Variants in NOTCH1 observed in about 807,000 individuals in gnomAD.
NOTCH1 encodes notch receptor 1.
Under a neutral mutation model 254.8 loss-of-function variants are expected in NOTCH1, and 37 were observed. The observed-to-expected ratio is 0.15, with a 90% confidence interval of 0.11 to 0.19. The LOEUF is 0.19. NOTCH1 is among the 10% of genes least tolerant of loss of function. NOTCH1 has a pLI of 1.00. For missense variants in NOTCH1, 2,972 were observed against 3,708.6 expected (o/e 0.80, Z 5.16); for synonymous variants, 1,731 against 1,618.1 (o/e 1.07, Z -1.68).
intron 22 of NOTCH1, 33 bp downstream of exon 22, chr9:136,507,272 G>C: frequency 6.2e-7 from 1 of 1,612,644 alleles, no homozygotes; most frequent in Non-Finnish European, 8.5e-7. Context: ...GCCATGGATG[G>C]CCAACACCAG....
intron 2 of NOTCH1, among the ~76,000 whole-genome samples, chr9:136,524,739 G>A (rs1843433572): frequency 6.7e-6 from 1 of 149,304 alleles, no homozygotes; most frequent in Non-Finnish European, 1.5e-5. Context: ...CCAGGTTCAA[G>A]CGATTCTCCT....
chr9:136,543,361 C>A, intron 2 of NOTCH1: 1 of 243,302 alleles, frequency 4.1e-6, no homozygotes, highest in Non-Finnish European at 8.3e-6. Flanking sequence ...GAGGAGGCAT[C>A]ACCCACCCAG....
chr9:136,498,750 A>G, intron 33 of NOTCH1, 149 bp downstream of exon 33: 1 of 867,136 alleles, frequency 1.2e-6, no homozygotes, highest in Non-Finnish European at 1.9e-6. Context: ...AGGTGCCCGC[A>G]TCATGCGGGT....
chr9:136,500,840 G>A lies in NOTCH1; in HGVS notation c.5646C>T (p.Phe1882=), dbSNP rs1340810189. ...TGCAGGAGGCGATCATGAGCGGGGT[G>A]AAGCCATCTGCAGAGGCAGAGACGG... ...MDVNVRGPDG[F]TPLMIASCSG... The change falls in exon 31 of 34, where the codon TTC becomes TTT. Residue 1882 remains phenylalanine, a synonymous_variant. Coordinates refer to ENST00000651671, the MANE Select transcript of NOTCH1 (RefSeq NM_017617.5). 2 of 1,593,534 alleles carry A rather than the reference G, an allele frequency of 1.3e-6. No homozygotes were observed. Among genetic ancestry groups the A allele is most frequent in the Non-Finnish European group, 1.7e-6 (2 of 1,177,676 alleles).
Position 136,505,448 on chromosome 9 carries a change from A to G in NOTCH1, c.4448T>C (p.Phe1483Ser), listed in dbSNP as rs1843065659. 1 of 1,612,724 alleles carries G rather than the reference A, an allele frequency of 6.2e-7. No individual in the cohort carries two copies. Among genetic ancestry groups the G allele is most frequent in the African/African-American group, 1.3e-5 (1 of 74,918 alleles). ...GWDGGDCSLN[F>S]NDPWKNCTQS... ...CGTGCAGTTCTTCCAGGGGTCATTG[A>G]AGTTGAGGGAGCAGTCACCGCCGTC... Residue 1483 changes from phenylalanine to serine, a missense_variant, in exon 25 of 34, where the codon TTC becomes TCC. Coordinates refer to ENST00000651671, the MANE Select transcript of NOTCH1 (RefSeq NM_017617.5).
rs1270144426 is a variant in NOTCH1, at chr9:136,515,570, CGTT to C, written c.1813_1815del (p.Asn605del). 1 of 1,610,844 alleles carries C rather than the reference CGTT, an allele frequency of 6.2e-7. No individual in the cohort carries two copies. The highest frequency in any genetic ancestry group is 2.2e-5 in the East Asian group (1 of 44,858). ...TGGCGGCAGGGCTGGCTGGAGCACT[CGTT>C]GATGTTGGTCTCGCAGTGGTGGCCC... On this transcript the variant is annotated inframe_deletion, in exon 11 of 34. Coordinates refer to ENST00000651671, the MANE Select transcript of NOTCH1 (RefSeq NM_017617.5).
At position 136,509,863 on chromosome 9, in the gene NOTCH1, T is replaced by C. The variant is rs2133350978; in HGVS notation, c.2839A>G (p.Asn947Asp). Residue 947 changes from asparagine to aspartate, a missense_variant, in exon 18 of 34, where the codon AAC becomes GAC. Around this residue, in one of 8 missense-constraint regions of NOTCH1, gnomAD observed 1,343 missense variants for 1,557.0 expected, o/e 0.86. Transcript: ENST00000651671. ...CGGCAGGGGTCACTGGCACACTCGT[T>C]GATGTCCTCCTCACAGAAAGTGCCC... is the stretch of plus-strand genomic sequence containing the variant. ...FRGTFCEEDI[N>D]ECASDPCRNG... 6.2e-7 allele frequency: 1 copy of C among 1,613,084 alleles called. No individual in the cohort carries two copies. The highest frequency in any genetic ancestry group is 1.3e-5 in the African/African-American group (1 of 75,056).
intron 17 of NOTCH1, chr9:136,510,404 C>T (rs1843160044): frequency 1.7e-6 from 1 of 600,964 alleles, no homozygotes; most frequent in African/African-American, 1.9e-5. Context: ...ATCCTCGGCT[C>T]AGTGAAGAGC....
In NOTCH1 at chr9:136,505,091, G is replaced by C. The variant is rs2133337830; in HGVS notation, c.4600C>G (p.Gln1534Glu). 6.2e-7 allele frequency: 1 copy of C among 1,609,724 alleles called. No homozygotes were observed. The highest frequency in any genetic ancestry group is 8.5e-7 in the Non-Finnish European group (1 of 1,179,676). The change falls in exon 26 of 34, where the codon CAG becomes GAG. Residue 1534 changes from glutamine to glutamate, a missense_variant. By Grantham distance (29) the Gln-to-Glu change is conservative. Coordinates refer to ENST00000651671, the MANE Select transcript of NOTCH1 (RefSeq NM_017617.5). ...AEGQCNPLYD[Q>E]YCKDHFSDGH... is the part of the protein sequence containing the mutation. ...TCGCTGAAGTGGTCCTTGCAGTACT[G>C]GTCGTACAGGGGGCTGTGGGGGGCG... is the stretch of plus-strand genomic sequence containing the variant.
In NOTCH1 at chr9:136,508,096, C is replaced by T. The variant is rs1252607865; in HGVS notation, c.3369G>A (p.Val1123=). ...GGCAGTGGTGCGTGTTGCCCGCGTC[C>T]ACACAGAGCCCTCCATGCTGGCACA... ...ARLCQHGGLC[V]DAGNTHHCRC... Residue 1123 remains valine, a synonymous_variant, in exon 21 of 34, where the codon GTG becomes GTA. Coordinates refer to ENST00000651671, the MANE Select transcript of NOTCH1 (RefSeq NM_017617.5). The T allele has an allele frequency of 1.2e-5, 19 of 1,609,276 alleles. No individual in the cohort carries two copies. Among genetic ancestry groups the T allele is most frequent in the Non-Finnish European group, 1.5e-5 (18 of 1,179,916 alleles).
intron 2 of NOTCH1, chr9:136,542,973 C>T (rs917479893): frequency 1.3e-5 from 2 of 153,206 alleles, no homozygotes; most frequent in African/African-American, 4.8e-5. Flanking sequence ...CGCACGACTT[C>T]CCGGCCCCCT....
intron 15 of NOTCH1, among the ~76,000 whole-genome samples, chr9:136,512,305 A>G (rs1369402301): frequency 3.3e-5 from 5 of 151,972 alleles, no homozygotes; most frequent in African/African-American, 1.2e-4. Flanking sequence ...CAGGCGTGGG[A>G]CCTCCAGCCC....
Position 136,494,705 on chromosome 9 carries a change from G to C in NOTCH1, c.*1366C>G. On this transcript the variant is annotated 3_prime_UTR_variant, in exon 34 of 34. Coordinates refer to ENST00000651671, the MANE Select transcript of NOTCH1 (RefSeq NM_017617.5). Reference sequence around the variant, plus strand: ...GGCAGCGGAGCGTCCCCAGTGCATGGGCGGCTAAGGCTCCCCGAGCTGAGC... The same window carrying C: ...GGCAGCGGAGCGTCCCCAGTGCATGCGCGGCTAAGGCTCCCCGAGCTGAGC... The C allele has an allele frequency of 7.5e-6, 3 of 398,448 alleles. No homozygotes were observed. Among genetic ancestry groups the C allele is most frequent in the Non-Finnish European group, 8.8e-6 (2 of 226,002 alleles). 24.7% of individuals were successfully genotyped at this position (398,448 alleles called of 1,614,324 possible).
intron 15 of NOTCH1, among the ~76,000 whole-genome samples, chr9:136,512,167 G>T (rs1843191578): frequency 6.6e-6 from 1 of 152,250 alleles, no homozygotes; most frequent in Non-Finnish European, 1.5e-5. Context: ...GTGTCTGAAA[G>T]GGACAGGGGC....
intron 2 of NOTCH1, among the ~76,000 whole-genome samples, chr9:136,532,071 TG>T (rs1279279088): frequency 1.3e-5 from 2 of 152,188 alleles, no homozygotes; most frequent in African/African-American, 4.8e-5. Flanking sequence ...ACCGGGCGCC[TG>T]GGATTACCCC....
At position 136,505,584 on chromosome 9, in the gene NOTCH1, G is replaced by A. The variant is rs746077264; in HGVS notation, c.4312C>T (p.Arg1438Cys). The A allele has an allele frequency of 8.1e-6, 13 of 1,610,180 alleles. No individual in the cohort carries two copies. The East Asian group carries it at 1.8e-4, about 22-fold the overall frequency. Residue 1438 changes from arginine to cysteine, a missense_variant, in exon 25 of 34, where the codon CGC becomes TGC. Around this residue, in one of 8 missense-constraint regions of NOTCH1, gnomAD observed 1,343 missense variants for 1,557.0 expected, o/e 0.86. Transcript: ENST00000651671. ...TCGATCAGCGGCGGGGGGATGTCGC[G>A]CCCGGCCCCACCCCCGAAGCTGTAG... ...LDYSFGGGAG[R>C]DIPPPLIEEA... is the part of the protein sequence containing the mutation.
rs530488788 is a variant in NOTCH1 at position 136,504,726 on chromosome 9, A to T, written c.4965T>A (p.Gly1655=). ...LGQVKASLLP[G]GSEGGRRRRE... ...TCCGCCGCCGCCCACCCTCGCTGCC[A>T]CCAGGGAGCAGCGAGGCCTTCACCT... Residue 1655 remains glycine (G), a synonymous_variant, in exon 26 of 34, where the codon GGT becomes GGA. Coordinates refer to ENST00000651671, the MANE Select transcript of NOTCH1 (RefSeq NM_017617.5). 4.5e-6 allele frequency: 7 copies of T among 1,543,204 alleles called. No individual in the cohort carries two copies. Among genetic ancestry groups the T allele is most frequent in the African/African-American group, 2.7e-5 (2 of 73,010 alleles).
chr9:136,518,076 C>A, intron 7 of NOTCH1, 61 bp downstream of exon 7: 1 of 1,552,562 alleles, frequency 6.4e-7, no homozygotes, highest in Non-Finnish European at 8.7e-7. Flanking sequence ...ATCGACTTCT[C>A]ATCGGTTCTG....
chr9:136,544,571 G>A, intron 1 of NOTCH1, among the ~76,000 whole-genome samples: 1 of 152,110 alleles, frequency 6.6e-6, no homozygotes, highest in Non-Finnish European at 1.5e-5. Context: ...GGGGAGGGGG[G>A]GTGGCCACAC....
Sources: gnomAD v4.1 joint callset for allele counts (sites outside exome capture counted in the v4.1 genomes callset) on GRCh38, gnomAD v4.1.1 for gene constraint, gnomAD v4.1.1 regional missense constraint, MANE v1.5 for transcripts, NCBI Gene and HGNC (gene_info 2026-07-23, HGNC 2026-07-21) for gene names.